NF1: variants seen among roughly 807,000 people sequenced by gnomAD.
The protein encoded by NF1 is neurofibromin 1.
In NF1, 122 loss-of-function variants were observed where a neutral mutation model predicts 325.7. That is an observed-to-expected ratio of 0.37 (90% CI 0.32 to 0.44). NF1 has a LOEUF of 0.44. Ranked by LOEUF, NF1 falls within the 20% of genes least tolerant of loss-of-function variation. NF1 has a pLI of 1.00. For missense variants in NF1, 2,140 were observed against 3,415.4 expected (o/e 0.63, Z 9.31); for synonymous variants, 1,091 against 1,186.0 (o/e 0.92, Z 1.65).
chr17:31,305,455 G>T, intron 36 of NF1: 1 of 1,614,196 alleles, frequency 6.2e-7, no homozygotes, highest in Non-Finnish European at 8.5e-7. Context: ...AGGATTCCCT[G>T]TTGTGTTTTG....
chr17:31,281,861 A>G (rs2068125167), intron 36 of NF1, among the ~76,000 whole-genome samples: 1 of 152,038 alleles, frequency 6.6e-6, no homozygotes, highest in South Asian at 2.1e-4. Context: ...GTTCGAGACC[A>G]GCCTGGGCAA....
chr17:31,239,762 C>G (rs1289365078), intron 29 of NF1, among the ~76,000 whole-genome samples: 6 of 151,812 alleles, frequency 4.0e-5, no homozygotes, highest in Non-Finnish European at 8.8e-5. Context: ...AGCATTGATC[C>G]TTTCTTTTTT....
At chr17:31,298,260 T>C (rs998610981) in intron 36 of NF1, among the ~76,000 whole-genome samples, 3 of 152,142 alleles carry the variant, frequency 2.0e-5, no homozygotes, top group Non-Finnish European at 4.4e-5. Context: ...TAAATTTTGC[T>C]CCACTCTTCA....
At chr17:31,199,408 C>G (rs535814147) in intron 8 of NF1, among the ~76,000 whole-genome samples, 1 of 152,134 alleles carries the variant, frequency 6.6e-6, no homozygotes, top group African/African-American at 2.4e-5. Flanking sequence ...GTTGGTTTTT[C>G]ATTTCCATTA....
chr17:31,151,383 T>G (rs1370510186), intron 1 of NF1, among the ~76,000 whole-genome samples: 1 of 152,236 alleles, frequency 6.6e-6, no homozygotes, highest in African/African-American at 2.4e-5. Flanking sequence ...TAATGATTCC[T>G]ATTAATGTGG....
Position 31,330,435 on chromosome 17 carries a change from G to A in NF1, c.5749G>A (p.Ala1917Thr), listed in dbSNP as rs1207438715. ...TGTCTCTATTAGTAAGACACTGGCA[G>A]CCAATGAGCCACACCTCACGTTAGA... ...FIVSISKTLAANEPHLTLEFL... is the reference protein window; with the variant it reads ...FIVSISKTLATNEPHLTLEFL... The change falls in exon 39 of 58, where the codon GCC (alanine) becomes ACC (threonine). Residue 1917 changes from alanine to threonine, a missense_variant. By Grantham distance (58) the Ala-to-Thr change is moderately conservative (BLOSUM62 0). This residue lies in a region of NF1 where 180 missense variants were observed against 435.1 expected (regional missense o/e 0.41). Transcript: ENST00000358273. The A allele has an allele frequency of 6.2e-7, 1 of 1,613,812 alleles. No individual in the cohort carries two copies.
At chr17:31,209,414 G>A (rs2066683729) in intron 12 of NF1, among the ~76,000 whole-genome samples, 2 of 152,184 alleles carry the variant, frequency 1.3e-5, no homozygotes, top group African/African-American at 4.8e-5. Context: ...CTTGTTGGAA[G>A]GAGCTAATTA....
intron 36 of NF1, among the ~76,000 whole-genome samples, chr17:31,306,149 T>C (rs907231933): frequency 9.9e-5 from 15 of 152,188 alleles, no homozygotes; most frequent in African/African-American, 3.6e-4. Context: ...TTCACTAATA[T>C]TCAAGTAGCT....
chr17:31,285,646 G>A (rs559703981), intron 36 of NF1, among the ~76,000 whole-genome samples: 4 of 152,104 alleles, frequency 2.6e-5, no homozygotes, highest in Admixed American at 6.6e-5. Context: ...CCAGGAGCTC[G>A]AGACAAACCT....
At chr17:31,342,668 G>A (rs1029088078) in intron 47 of NF1, among the ~76,000 whole-genome samples, 1 of 152,042 alleles carries the variant, frequency 6.6e-6, no homozygotes, top group East Asian at 1.9e-4. Flanking sequence ...GCCCAGTAGC[G>A]GGAGCTAATA....
chr17:31,237,315 C>G (rs889018682), intron 29 of NF1, among the ~76,000 whole-genome samples: 2 of 152,134 alleles, frequency 1.3e-5, no homozygotes, highest in African/African-American at 4.8e-5. Context: ...CACTCTGTCA[C>G]CCAGGCTGGA....
Position 31,352,423 on chromosome 17 carries a change from A to G in NF1, c.7615+9A>G, listed in dbSNP as rs748539880. 2 of 1,592,964 alleles carry G rather than the reference A, an allele frequency of 1.3e-6. No homozygotes were observed. Among genetic ancestry groups the G allele is most frequent in the Non-Finnish European group, 1.7e-6 (2 of 1,170,188 alleles). ...CACTAAGAAGTTGCTTGGTTAGTTT[A>G]TCTAAATTATGTAGATTTTTTTTAT... On this transcript the variant is annotated intron_variant, in intron 51 of 57. Transcript: ENST00000358273.
chr17:31,349,759 A>T (rs2151573753), intron 49 of NF1, among the ~76,000 whole-genome samples: 1 of 152,268 alleles, frequency 6.6e-6, no homozygotes, highest in African/African-American at 2.4e-5. Flanking sequence ...ATTTGCTCTT[A>T]TCTGATTTTT....
At position 31,336,284 on chromosome 17, in the gene NF1, T is replaced by C. The variant is rs1278488165; in HGVS notation, c.6007-49T>C. 6.3e-7 allele frequency: 1 copy of C among 1,588,424 alleles called. No homozygotes were observed. The highest frequency in any genetic ancestry group is 1.7e-5 in the Admixed American group (1 of 59,616). On this transcript the variant is annotated intron_variant, in intron 40 of 57. Coordinates refer to ENST00000358273, the MANE Select transcript of NF1 (RefSeq NM_001042492.3). This position sits in a 1 kb window ranked among gnomAD's most constrained non-coding sequence, Gnocchi z 5.5. ...CCAATGAATATTTTTTAATTAAAAATTAAATTGGTAGAGTGATTAAAAACA... is the reference window on the plus strand; with the variant it reads ...CCAATGAATATTTTTTAATTAAAAACTAAATTGGTAGAGTGATTAAAAACA...
rs1178119480 is a variant in NF1 at position 31,258,493 on chromosome 17, A to G, written c.4323A>G (p.Leu1441=). 6.2e-7 allele frequency: 1 copy of G among 1,613,812 alleles called. No individual in the cohort carries two copies. The highest frequency in any genetic ancestry group is 1.1e-5 in the South Asian group (1 of 91,076). ...CTAGAATCGAAAGGGGCTTGAAGTT[A>G]ATGTCAAAGGTGAATTATTTTGATA... is the stretch of plus-strand genomic sequence containing the variant. ...PPPRIERGLK[L]MSKILQSIAN... is the part of the protein sequence containing the mutation. Residue 1441 remains leucine, a synonymous_variant, in exon 32 of 58, where the codon TTA becomes TTG. Coordinates refer to ENST00000358273, the MANE Select transcript of NF1 (RefSeq NM_001042492.3).
intron 1 of NF1, among the ~76,000 whole-genome samples, chr17:31,101,282 A>G (rs1420162203): frequency 6.6e-6 from 1 of 152,088 alleles, no homozygotes; most frequent in South Asian, 2.1e-4. Flanking sequence ...CCAAGACACA[A>G]TACTTTTCTA....
At chr17:31,294,671 C>A (rs2068422695) in intron 36 of NF1, 1 of 327,908 alleles carries the variant, frequency 3.0e-6, no homozygotes, top group Admixed American at 4.5e-5. Context: ...CTTTTATTTT[C>A]CAGATGTTTG....
At chr17:31,238,433 A>G (rs1180317446) in intron 29 of NF1, among the ~76,000 whole-genome samples, 1 of 152,100 alleles carries the variant, frequency 6.6e-6, no homozygotes, top group African/African-American at 2.4e-5. Context: ...AGAAGAGAGA[A>G]AAGGCTAAGA....
rs1256518724 is a variant in NF1 at position 31,106,564 on chromosome 17, AT to A, written c.60+11196del. Among the ~76,000 whole-genome samples the A allele has an allele frequency of 2.0e-5, 3 of 152,378 alleles. No individual in the cohort carries two copies. In the East Asian group the frequency reaches 5.8e-4, roughly 29 times the overall value. On this transcript the variant is annotated intron_variant, in intron 1 of 57. Coordinates refer to ENST00000358273, the MANE Select transcript of NF1 (RefSeq NM_001042492.3). ...AATTTTACTAACAGGTAGTACAAAT[AT>A]GCAAAATGAGGGATGTATGATTGCT...
Sources: allele counts gnomAD v4.1 joint callset (sites outside exome capture counted in the v4.1 genomes callset), GRCh38; gene constraint gnomAD v4.1.1; regional missense constraint gnomAD v4.1.1; non-coding constraint Gnocchi (gnomAD v3.1); transcripts MANE v1.5; gene names NCBI Gene and HGNC (gene_info 2026-07-23, HGNC 2026-07-21).